Variants in BRSK2 observed in about 807,000 individuals in gnomAD.
The protein encoded by BRSK2 is BR serine/threonine kinase 2, also known as serine/threonine-protein kinase BRSK2.
BRSK2 carries 19 observed loss-of-function variants against 83.3 expected under a neutral mutation model. The observed-to-expected ratio is 0.23, with a 90% CI of 0.16 to 0.33. The LOEUF (loss-of-function observed/expected upper bound fraction) is 0.33. BRSK2 is among the 10% of genes least tolerant of loss of function. The pLI is 1.00. For synonymous variants in BRSK2, 519 were observed against 435.4 expected (o/e 1.19, Z -2.39); for missense variants, 798 against 1,042.3 (o/e 0.77, Z 3.23).
Position 1,459,197 on chromosome 11 carries a change from A to G in BRSK2, c.1945A>G (p.Thr649Ala). Residue 649 changes from threonine to alanine, a missense_variant, in exon 19 of 20, where the codon ACT (threonine) becomes GCT (alanine). Physicochemically the swap from Thr to Ala is moderately conservative, Grantham distance 58 (BLOSUM62 0). Transcript: ENST00000528841. The stretch of plus-strand genomic sequence containing the variant: ...CTCTCCATTCTGTACTCCAGACACC[A>G]CTAACTGTATGGAAATGATGACGGG... ...PPAAQHLSDT[T>A]NCMEMMTGRL... The G allele has an allele frequency of 2.5e-6, 4 of 1,613,530 alleles. No individual in the cohort carries two copies. Among genetic ancestry groups the G allele is most frequent in the Non-Finnish European group, 3.4e-6 (4 of 1,179,726 alleles).
intron 4 of BRSK2, 71 bp downstream of exon 4, chr11:1,440,999 CCT>C (rs1437499277): frequency 7.8e-6 from 11 of 1,403,834 alleles, no homozygotes; most frequent in African/African-American, 2.8e-5. Flanking sequence ...ACAGATGCCC[CCT>C]GTGCCCCAAG....
intron 1 of BRSK2, among the ~76,000 whole-genome samples, chr11:1,395,961 T>C (rs932131444): frequency 6.6e-6 from 1 of 152,174 alleles, no homozygotes; most frequent in Admixed American, 6.5e-5. Flanking sequence ...GCCTCTAGGC[T>C]TCAAGGGGAT....
intron 1 of BRSK2, among the ~76,000 whole-genome samples, chr11:1,420,908 G>A (rs915205022): frequency 2.0e-5 from 3 of 152,206 alleles, no homozygotes; most frequent in African/African-American, 7.2e-5. Context: ...TCATGGGGAG[G>A]GGCCTGTGCC....
At chr11:1,433,822 C>A (rs1372258515) in intron 1 of BRSK2, among the ~76,000 whole-genome samples, 2 of 152,228 alleles carry the variant, frequency 1.3e-5, no homozygotes, top group Admixed American at 6.5e-5. Flanking sequence ...GGCCACCCCC[C>A]ACCCCTGGCA....
rs776705914 is a variant in BRSK2, at chr11:1,445,278, C to T, written c.813-16C>T. On this transcript the variant is annotated splice_polypyrimidine_tract_variant and intron_variant, in intron 9 of 19. Coordinates refer to ENST00000528841, the MANE Select transcript of BRSK2 (RefSeq NM_001256627.2). ...GGCCGGAGCTGATGAGCGGGTGGCCCGTCCTGTGTCCACAGAGGGGGCAAG... is the reference window on the plus strand; with the variant it reads ...GGCCGGAGCTGATGAGCGGGTGGCCTGTCCTGTGTCCACAGAGGGGGCAAG... 9.1e-5 allele frequency: 145 copies of T among 1,596,930 alleles called. No individual in the cohort carries two copies. Among genetic ancestry groups the T allele is most frequent in the Non-Finnish European group, 1.1e-4 (132 of 1,170,858 alleles).
intron 1 of BRSK2, among the ~76,000 whole-genome samples, chr11:1,429,038 G>C (rs1849598096): frequency 6.7e-6 from 1 of 149,004 alleles, no homozygotes; most frequent in East Asian, 2.0e-4. Context: ...GTGTGTCCTG[G>C]GTGCATGCAC....
At chr11:1,427,508 C>A (rs1292528924) in intron 1 of BRSK2, among the ~76,000 whole-genome samples, 1 of 152,160 alleles carries the variant, frequency 6.6e-6, no homozygotes, top group Non-Finnish European at 1.5e-5. Context: ...CCTGGGATGC[C>A]CTGGGGCTCC....
intron 8 of BRSK2, among the ~76,000 whole-genome samples, chr11:1,444,466 C>T (rs1475579768): frequency 6.6e-6 from 1 of 152,170 alleles, no homozygotes; most frequent in Non-Finnish European, 1.5e-5. Flanking sequence ...CTGGCCGGCC[C>T]TCCCAGCCTC....
At chr11:1,457,008 A>G in intron 18 of BRSK2, 1 of 1,596,400 alleles carries the variant, frequency 6.3e-7, no homozygotes, top group Non-Finnish European at 8.5e-7. Flanking sequence ...TAAGGGCCAG[A>G]AGGTGGCCAC....
At chr11:1,403,055 G>T (rs530621003) in intron 1 of BRSK2, among the ~76,000 whole-genome samples, 7 of 152,166 alleles carry the variant, frequency 4.6e-5, no homozygotes, top group Non-Finnish European at 8.8e-5. Context: ...GGGCCACCAC[G>T]GGGTAGGTGC....
rs1847064913 is a variant in BRSK2, at chr11:1,459,174, C to G, written c.1940-18C>G. ...CTTTCACTCACTCCCTCCCTCCTCT[C>G]TCCATTCTGTACTCCAGACACCACT... On this transcript the variant is annotated intron_variant, in intron 18 of 19. Transcript: ENST00000528841. 3 of 1,613,344 alleles carry G rather than the reference C, an allele frequency of 1.9e-6. No individual in the cohort carries two copies.
At chr11:1,426,247 TGTGTGTGGGGCGTGCTCC>T (rs1238588180) in intron 1 of BRSK2, among the ~76,000 whole-genome samples, 118 of 148,414 alleles carry the variant, frequency 8.0e-4, no homozygotes, top group Non-Finnish European at 1.1e-3. Flanking sequence ...GCTCCGGGGA[TGTGTGTGGGGCGTGCTCC>T]GGGGATGTGT....
At chr11:1,413,062 C>G (rs897050855) in intron 1 of BRSK2, among the ~76,000 whole-genome samples, 3 of 152,166 alleles carry the variant, frequency 2.0e-5, no homozygotes. Flanking sequence ...CGTTCAGAAC[C>G]CGCATTCCTG....
At chr11:1,457,498 C>A (rs1846747529) in intron 18 of BRSK2, among the ~76,000 whole-genome samples, 1 of 152,212 alleles carries the variant, frequency 6.6e-6, no homozygotes. Context: ...GCTCCCCCCA[C>A]TCCCCTGGGC....
intron 1 of BRSK2, among the ~76,000 whole-genome samples, chr11:1,407,044 G>A (rs1362347954): frequency 2.0e-5 from 3 of 152,170 alleles, no homozygotes; most frequent in Non-Finnish European, 4.4e-5. Context: ...AGGCTCCTAG[G>A]GTTTCCCAGG....
chr11:1,433,465 C>T (rs1337250366), intron 1 of BRSK2, among the ~76,000 whole-genome samples: 1 of 152,282 alleles, frequency 6.6e-6, no homozygotes, highest in Non-Finnish European at 1.5e-5. Context: ...GCTGCATCCT[C>T]CCAGGAGTTT....
At chr11:1,456,925 A>G (rs567639286) in intron 18 of BRSK2, 1 of 1,593,844 alleles carries the variant, frequency 6.3e-7, no homozygotes, top group Non-Finnish European at 8.5e-7. Flanking sequence ...CAGCCGCACC[A>G]CACTGAAAGG....
rs1166712098 is a variant in BRSK2, at chr11:1,461,498, G to A, written c.*775G>A. ...GAAACAGAGACACCCTGCGGCACCA[G>A]AGCCTTCCCAGCAGGCCAGGCCGCT... is the stretch of plus-strand genomic sequence containing the variant. On this transcript the variant is annotated 3_prime_UTR_variant, in exon 20 of 20. Transcript: ENST00000528841. 5.1e-6 allele frequency: 1 copy of A among 194,906 alleles called. No homozygotes were observed. The highest frequency in any genetic ancestry group is 2.4e-5 in the African/African-American group (1 of 41,674). The allele number at this position is 194,906 out of a possible 1,614,324, so 12.1% of individuals were successfully genotyped here.
In BRSK2 at chr11:1,442,588, T is replaced by C. The variant is rs1851489302; in HGVS notation, c.512T>C (p.Leu171Pro). The change falls in exon 5 of 20, where the codon CTG becomes CCG. Residue 171 changes from leucine to proline, a missense_variant. By Grantham distance (98) the Leu-to-Pro change is moderately conservative. Transcript: ENST00000528841. The part of the protein sequence containing the change: ...GMASLQVGDS[L>P]LETSCGSPHY... ...GCGTCCCTGCAGGTTGGCGACAGCCTGTTGGAGACCAGCTGTGGGTACGTG... is the reference window on the plus strand; with the variant it reads ...GCGTCCCTGCAGGTTGGCGACAGCCCGTTGGAGACCAGCTGTGGGTACGTG... The C allele has an allele frequency of 6.2e-7, 1 of 1,612,292 alleles. No homozygotes were observed. Among genetic ancestry groups the C allele is most frequent in the African/African-American group, 1.3e-5 (1 of 74,924 alleles).
Sources: allele counts gnomAD v4.1 joint callset (sites outside exome capture counted in the v4.1 genomes callset), GRCh38; gene constraint gnomAD v4.1.1; transcripts MANE v1.5; gene names NCBI Gene and HGNC (gene_info 2026-07-23, HGNC 2026-07-21).